ZNF264: variants seen among roughly 807,000 people sequenced by gnomAD.
ZNF264 encodes zinc finger protein 264.
In ZNF264, 11 loss-of-function variants were observed where a neutral mutation model predicts 11.2. The observed-to-expected ratio is 0.98, with a 90% CI of 0.62 to 1.63. The LOEUF (loss-of-function observed/expected upper bound fraction) is 1.63, where lower values mean the gene tolerates loss of function less well. Ranked by LOEUF, ZNF264 falls within the 40% of genes most tolerant of loss-of-function variation. The pLI, the probability that ZNF264 is intolerant of heterozygous loss-of-function variation, is 0.00. For synonymous variants in ZNF264, 309 were observed against 279.8 expected (o/e 1.10, Z -1.04); for missense variants, 752 against 768.1 (o/e 0.98, Z 0.25).
rs2087391483 is a variant in ZNF264, at chr19:57,217,829, T to C, written c.*4848T>C. ...TTTAAAGAGACAGAGTCTCACTCTG[T>C]CACCCAGGCTGGAGTGCAGTGGCAC... On this transcript the variant is annotated 3_prime_UTR_variant, in exon 4 of 4. Transcript: ENST00000263095. The C allele has an allele frequency of 7.3e-6, 1 of 136,682 alleles. No homozygotes were observed. The highest frequency in any genetic ancestry group is 2.3e-4 in the South Asian group (1 of 4,272). The allele number at this position is 136,682 out of a possible 1,614,324, so 8.5% of individuals were successfully genotyped here.
Position 57,212,252 on chromosome 19 carries a change from C to T in ZNF264, c.1155C>T (p.Ala385=). 1 of 1,613,794 alleles carries T rather than the reference C, an allele frequency of 6.2e-7. No individual in the cohort carries two copies. The highest frequency in any genetic ancestry group is 8.5e-7 in the Non-Finnish European group (1 of 1,179,960). ...GGAAGGTCTTCTTGGAGAGTGCAGC[C>T]CTGATTCACCACTATGTCATCCACA... The part of the protein sequence containing the change: ...ECGKVFLESA[A]LIHHYVIHTG... The change falls in exon 4 of 4, where the codon GCC becomes GCT. Residue 385 remains alanine, a synonymous_variant. Transcript: ENST00000263095.
chr19:57,213,870 A>T lies in ZNF264; in HGVS notation c.*889A>T, dbSNP rs2087360131. 6.6e-6 allele frequency: 1 copy of T among 152,154 alleles called. No homozygotes were observed. The highest frequency in any genetic ancestry group is 1.5e-5 in the Non-Finnish European group (1 of 68,022). 9.4% of individuals were successfully genotyped at this position (152,154 alleles called of 1,614,324 possible). A position where few individuals can be genotyped will look rare whatever the true frequency, so the allele number is the denominator to read the frequency against. On this transcript the variant is annotated 3_prime_UTR_variant, in exon 4 of 4. Coordinates refer to ENST00000263095, the MANE Select transcript of ZNF264 (RefSeq NM_003417.5). ...TAGGCCTCTTAATTTATAATAGTTA[A>T]GCATTCCTTAAAGTATTTCATTAAT...
intron 2 of ZNF264, chr19:57,194,852 A>G (rs890574855): frequency 2.2e-5 from 9 of 400,074 alleles, no homozygotes; most frequent in African/African-American, 1.9e-4. Context: ...CCCAGAGCAC[A>G]CTGAGCATTG....
chr19:57,194,719 G>C, intron 2 of ZNF264: 2 of 398,952 alleles, frequency 5.0e-6, no homozygotes, highest in Non-Finnish European at 8.9e-6. Flanking sequence ...ATTAAGGGGG[G>C]GGTCTGCCTT....
At chr19:57,207,769 C>T (rs1321263895) in intron 3 of ZNF264, among the ~76,000 whole-genome samples, 2 of 151,458 alleles carry the variant, frequency 1.3e-5, no homozygotes, top group South Asian at 2.1e-4. Flanking sequence ...TGTTGTTGCC[C>T]AGGCGGGAGT....
intron 1 of ZNF264, chr19:57,192,582 A>G: frequency 3.0e-6 from 3 of 984,976 alleles, no homozygotes; most frequent in Middle Eastern, 5.2e-4. Context: ...TTCATTGTGG[A>G]ATTTCCTTGG....
rs2087346653 is a variant in ZNF264 at position 57,212,454 on chromosome 19, A to G, written c.1357A>G (p.Lys453Glu). ...GCATAAAAGGGCCCACACTGGAGAAAAGCCTTTCGAGTGCAAAGAGTGTGG... is the reference window on the plus strand; with the variant it reads ...GCATAAAAGGGCCCACACTGGAGAAGAGCCTTTCGAGTGCAAAGAGTGTGG... Reference protein sequence around the residue: ...ILHKRAHTGEKPFECKECGKA... With the variant: ...ILHKRAHTGEEPFECKECGKA... The change falls in exon 4 of 4, where the codon AAG becomes GAG. Residue 453 changes from lysine (K) to glutamate (E), a missense_variant. Physicochemically the swap from Lys to Glu is moderately conservative, Grantham distance 56 (BLOSUM62 1). Transcript: ENST00000263095. The G allele has an allele frequency of 1.2e-6, 2 of 1,614,040 alleles. No individual in the cohort carries two copies. The highest frequency in any genetic ancestry group is 4.5e-5 in the East Asian group (2 of 44,874).
rs764575329 is a variant in ZNF264 at position 57,211,482 on chromosome 19, C to G, written c.385C>G (p.Gln129Glu). The stretch of plus-strand genomic sequence containing the variant: ...CTCACAGTTGGGGCAAGCCGAGGAT[C>G]AGGATGGGCTATCAGAAATGCAGGA... Reference protein sequence around the residue: ...VDSQLGQAEDQDGLSEMQEGH... With the variant: ...VDSQLGQAEDEDGLSEMQEGH... The change falls in exon 4 of 4, where the codon CAG becomes GAG. Residue 129 changes from glutamine (Q) to glutamate (E), a missense_variant. Coordinates refer to ENST00000263095, the MANE Select transcript of ZNF264 (RefSeq NM_003417.5). The G allele has an allele frequency of 1.2e-5, 19 of 1,613,950 alleles. 1 individual carries two copies. Among genetic ancestry groups the G allele is most frequent in the Non-Finnish European group, 2.5e-6 (3 of 1,180,024 alleles).
chr19:57,203,542 GT>G lies in ZNF264; in HGVS notation c.161-1853del, dbSNP rs540029697. 1.8e-4 allele frequency among the ~76,000 whole-genome samples: 27 copies of G among 152,120 alleles called. No individual in the cohort carries two copies. In the South Asian group the frequency reaches 5.6e-3, roughly 32 times the overall value. On this transcript the variant is annotated intron_variant, in intron 2 of 3. Coordinates refer to ENST00000263095, the MANE Select transcript of ZNF264 (RefSeq NM_003417.5). ...TGAAGCTGTCCTTTGAGGGTTTTTT[GT>G]TGTTCTTGTTGTTGTTTTTTGTTTT...
rs937440733 is a variant in ZNF264 at position 57,218,385 on chromosome 19, A to G, written c.*5404A>G. On this transcript the variant is annotated 3_prime_UTR_variant, in exon 4 of 4. Transcript: ENST00000263095. Reference sequence around the variant, plus strand: ...GCATCAGTTCTGTCAAGCTTCATTCAAAGTGTTTTTCATTGTCTCTAGTGT... The same window carrying G: ...GCATCAGTTCTGTCAAGCTTCATTCGAAGTGTTTTTCATTGTCTCTAGTGT... 2 of 152,220 alleles carry G rather than the reference A, an allele frequency of 1.3e-5. No homozygotes were observed. The highest frequency in any genetic ancestry group is 2.1e-4 in the South Asian group (1 of 4,832). The allele number at this position is 152,220 out of a possible 1,614,324, so 9.4% of individuals were successfully genotyped here. A position where few individuals can be genotyped will look rare whatever the true frequency, so the allele number is the denominator to read the frequency against.
chr19:57,208,204 A>G (rs577243758), intron 3 of ZNF264, among the ~76,000 whole-genome samples: 5 of 152,284 alleles, frequency 3.3e-5, no homozygotes, highest in African/African-American at 9.6e-5. Flanking sequence ...GTGGCTCATG[A>G]TATATTTATA....
At chr19:57,204,857 AACAGCACCG>A (rs2087280272) in intron 2 of ZNF264, among the ~76,000 whole-genome samples, 1 of 152,124 alleles carries the variant, frequency 6.6e-6, no homozygotes, top group African/African-American at 2.4e-5. Flanking sequence ...TTTGTGGTTA[AACAGCACCG>A]ACAGCAGAGA....
At position 57,214,819 on chromosome 19, in the gene ZNF264, AT is replaced by A. The variant is rs942149170; in HGVS notation, c.*1842del. On this transcript the variant is annotated 3_prime_UTR_variant, in exon 4 of 4. Transcript: ENST00000263095. ...CTCCACCAGTTGATGTCATTATGCT[AT>A]TTTCCTTCTACATCCTATTGATGGA... is the stretch of plus-strand genomic sequence containing the variant. 2.6e-5 allele frequency: 4 copies of A among 152,092 alleles called. No homozygotes were observed. Among genetic ancestry groups the A allele is most frequent in the African/African-American group, 9.7e-5 (4 of 41,410 alleles). The allele number at this position is 152,092 out of a possible 1,614,324, so 9.4% of individuals were successfully genotyped here. A position where few individuals can be genotyped will look rare whatever the true frequency, so the allele number is the denominator to read the frequency against.
chr19:57,206,400 C>T (rs1245175471), intron 3 of ZNF264, among the ~76,000 whole-genome samples: 6 of 151,184 alleles, frequency 4.0e-5, no homozygotes, highest in East Asian at 1.9e-4. Context: ...CCCGCCACCA[C>T]GCCCAGCTAA....
At chr19:57,207,116 C>G (rs1304990680) in intron 3 of ZNF264, among the ~76,000 whole-genome samples, 1 of 149,338 alleles carries the variant, frequency 6.7e-6, no homozygotes, top group Non-Finnish European at 1.5e-5. Flanking sequence ...ACAAGGAACC[C>G]ATGATCTTGC....
Position 57,212,568 on chromosome 19 carries a change from G to T in ZNF264, c.1471G>T (p.Ala491Ser), listed in dbSNP as rs1399650200. ...KPYECVECGK[A>S]FTRMSGLTRH... ...CTATGAGTGCGTGGAGTGTGGAAAG[G>T]CCTTCACCCGCATGTCGGGCCTCAC... Residue 491 changes from alanine to serine, a missense_variant, in exon 4 of 4, where the codon GCC (alanine) becomes TCC (serine). Coordinates refer to ENST00000263095, the MANE Select transcript of ZNF264 (RefSeq NM_003417.5). The T allele has an allele frequency of 6.2e-7, 1 of 1,614,084 alleles. No individual in the cohort carries two copies. The highest frequency in any genetic ancestry group is 1.3e-5 in the African/African-American group (1 of 74,916).
intron 3 of ZNF264, among the ~76,000 whole-genome samples, chr19:57,209,723 C>T (rs866587762): frequency 6.6e-6 from 1 of 152,088 alleles, no homozygotes; most frequent in Non-Finnish European, 1.5e-5. Flanking sequence ...ACTACACAGG[C>T]TTGCACCACC....
At position 57,211,703 on chromosome 19, in the gene ZNF264, C is replaced by T. The variant is rs151116224; in HGVS notation, c.606C>T (p.Asn202=). 1 of 1,614,142 alleles carries T rather than the reference C, an allele frequency of 6.2e-7. No homozygotes were observed. The highest frequency in any genetic ancestry group is 1.3e-5 in the African/African-American group (1 of 75,044). ...CCATGATTCAGGAAGAGGAAAATAA[C>T]TTTAAATGCAGTGAATGTGGAAAAG... The part of the protein sequence containing the change: ...KDPMIQEEEN[N]FKCSECGKVF... Residue 202 remains asparagine (N), a synonymous_variant, in exon 4 of 4, where the codon AAC becomes AAT. Coordinates refer to ENST00000263095, the MANE Select transcript of ZNF264 (RefSeq NM_003417.5).
chr19:57,193,873 A>C lies in ZNF264; in HGVS notation c.34-2A>C. Reference sequence around the variant, plus strand: ...TACTACTAATTCTGTTTGACTTTCCAGGTGTCTGTGACCTTTGATGATGTG... The same window carrying C: ...TACTACTAATTCTGTTTGACTTTCCCGGTGTCTGTGACCTTTGATGATGTG... On this transcript the variant is annotated splice_acceptor_variant, in intron 1 of 3. Coordinates refer to ENST00000263095, the MANE Select transcript of ZNF264 (RefSeq NM_003417.5). LOFTEE classifies it high-confidence loss of function. The C allele has an allele frequency of 1.9e-6, 3 of 1,614,010 alleles. No homozygotes were observed. The highest frequency in any genetic ancestry group is 2.5e-6 in the Non-Finnish European group (3 of 1,179,958).
Sources: allele counts gnomAD v4.1 joint callset (sites outside exome capture counted in the v4.1 genomes callset), GRCh38; gene constraint gnomAD v4.1.1; transcripts MANE v1.5; gene names NCBI Gene and HGNC (gene_info 2026-07-23, HGNC 2026-07-21).